Variants in SYNE2 observed in about 807,000 individuals in gnomAD.
SYNE2 encodes spectrin repeat containing nuclear envelope protein 2.
A neutral mutation model predicts 856.3 loss-of-function variants in SYNE2; 431 were observed. The observed-to-expected ratio is 0.50, with a 90% confidence interval of 0.47 to 0.55. The LOEUF (loss-of-function observed/expected upper bound fraction) is 0.55, where lower values mean the gene tolerates loss of function less well. Ranked by LOEUF, SYNE2 falls within the 20% of genes least tolerant of loss-of-function variation. The pLI is 0.00. For synonymous variants in SYNE2, 2,923 were observed against 2,872.3 expected (o/e 1.02, Z -0.56); for missense variants, 8,129 against 8,023.2 (o/e 1.01, Z -0.50).
intron 76 of SYNE2, among the ~76,000 whole-genome samples, chr14:64,131,667 G>A (rs76618501): frequency 0.031 from 4,702 of 151,972 alleles, 134 homozygotes; most frequent in African/African-American, 0.073. Flanking sequence ...TTGTAGCCTC[G>A]AGATCCTGGT....
intron 45 of SYNE2, among the ~76,000 whole-genome samples, chr14:64,037,801 C>T (rs1175412096): frequency 1.4e-5 from 2 of 141,152 alleles, no homozygotes; most frequent in East Asian, 2.2e-4. Flanking sequence ...CGGGCAGAGG[C>T]GCCCCTCACC....
At chr14:63,782,236 G>A (rs1887344233) in intron 1 of SYNE2, among the ~76,000 whole-genome samples, 1 of 152,008 alleles carries the variant, frequency 6.6e-6, no homozygotes, top group African/African-American at 2.4e-5. Context: ...CACTTTAGGA[G>A]GCCGAGGTGG....
chr14:63,787,166 A>G (rs778387548), intron 1 of SYNE2, among the ~76,000 whole-genome samples: 4 of 152,188 alleles, frequency 2.6e-5, no homozygotes, highest in Non-Finnish European at 5.9e-5. Flanking sequence ...AATCTCAAAT[A>G]TTTATCATTT....
chr14:63,961,118 A>T (rs763936156), intron 8 of SYNE2, among the ~76,000 whole-genome samples: 1 of 152,204 alleles, frequency 6.6e-6, no homozygotes, highest in Non-Finnish European at 1.5e-5. Context: ...GCCAAGACCA[A>T]CATGTCAGGA....
chr14:64,087,465 CTTA>C, intron 57 of SYNE2: 2 of 729,918 alleles, frequency 2.7e-6, no homozygotes, highest in Non-Finnish European at 5.1e-6. Flanking sequence ...ATTTATGTTT[CTTA>C]TTATGTTACA....
At chr14:64,007,657 G>C (rs771915072) in intron 31 of SYNE2, among the ~76,000 whole-genome samples, 2 of 152,074 alleles carry the variant, frequency 1.3e-5, no homozygotes. Flanking sequence ...TGAGAGGATT[G>C]CTTGAGCCTA....
chr14:63,815,600 C>G (rs1180317459), intron 1 of SYNE2, among the ~76,000 whole-genome samples: 2 of 152,094 alleles, frequency 1.3e-5, no homozygotes, highest in Admixed American at 6.6e-5. Context: ...AGGATCAATA[C>G]TTTGCATCCT....
At chr14:64,071,886 C>T (rs778536081) in intron 52 of SYNE2, among the ~76,000 whole-genome samples, 2 of 152,088 alleles carry the variant, frequency 1.3e-5, no homozygotes, top group African/African-American at 4.8e-5. Context: ...GGCATGGTGG[C>T]GCACGCCTAT....
chr14:63,838,960 A>G (rs999624447), intron 1 of SYNE2, among the ~76,000 whole-genome samples: 1 of 152,132 alleles, frequency 6.6e-6, no homozygotes, highest in Non-Finnish European at 1.5e-5. Flanking sequence ...ACTTCCACTT[A>G]TGGTTCCAGT....
chr14:64,170,362 T>C lies in SYNE2; in HGVS notation c.17135T>C (p.Leu5712Ser). ...WQDFTTSVENLFRFLTDTSHL... is the reference protein window; with the variant it reads ...WQDFTTSVENSFRFLTDTSHL... ...GATTTCACTACTTCTGTGGAGAACT[T>C]GTTTCGCTTCCTCACTGACACCAGC... The change falls in exon 94 of 116, where the codon TTG becomes TCG. Residue 5712 changes from leucine to serine, a missense_variant. Leu to Ser is a moderately radical substitution (Grantham distance 145). Around this residue, in one of 3 missense-constraint regions of SYNE2, gnomAD observed 5,410 missense variants for 5,284.8 expected, o/e 1.02. Coordinates refer to ENST00000555002, the MANE Select transcript of SYNE2 (RefSeq NM_182914.3). The C allele has an allele frequency of 6.2e-7, 1 of 1,614,142 alleles. No individual in the cohort carries two copies. Among genetic ancestry groups the C allele is most frequent in the Non-Finnish European group, 8.5e-7 (1 of 1,180,020 alleles).
At chr14:64,130,384 G>A (rs1203894635) in intron 76 of SYNE2, 136 bp downstream of exon 76, 10 of 846,814 alleles carry the variant, frequency 1.2e-5, no homozygotes, top group Non-Finnish European at 1.7e-5. Flanking sequence ...ACATCTATTA[G>A]AATGCTTAAT....
chr14:64,084,032 C>G (rs537025117), intron 57 of SYNE2, among the ~76,000 whole-genome samples: 95 of 151,380 alleles, frequency 6.3e-4, no homozygotes, highest in Non-Finnish European at 1.3e-3. Flanking sequence ...TCAAGTGATT[C>G]TTCTGCCTCA....
At chr14:63,890,220 G>A (rs2095099885) in intron 1 of SYNE2, among the ~76,000 whole-genome samples, 1 of 151,888 alleles carries the variant, frequency 6.6e-6, no homozygotes, top group African/African-American at 2.4e-5. Flanking sequence ...GGGCCACCAT[G>A]CCTGGCTAAT....
At chr14:63,909,352 T>G (rs2095445498) in intron 2 of SYNE2, 125 bp downstream of exon 2, 2 of 595,562 alleles carry the variant, frequency 3.4e-6, no homozygotes, top group Admixed American at 2.9e-5. Flanking sequence ...TTTCCAACTG[T>G]AGAAACCTTT....
At chr14:64,218,533 T>A (rs767224903) in intron 109 of SYNE2, 21 bp downstream of exon 109, 24 of 1,609,918 alleles carry the variant, frequency 1.5e-5, no homozygotes, top group African/African-American at 2.7e-5. Context: ...TAACTGGCAG[T>A]CGTCCAGAGA....
At chr14:64,133,568 G>C (rs189463884) in intron 77 of SYNE2, among the ~76,000 whole-genome samples, 177 of 152,304 alleles carry the variant, frequency 1.2e-3, no homozygotes, top group African/African-American at 4.0e-3. Flanking sequence ...TGAAGTGTAA[G>C]CCTATACTCC....
intron 9 of SYNE2, 87 bp downstream of exon 9, chr14:63,961,712 C>T (rs1595894736): frequency 1.0e-6 from 1 of 958,774 alleles, no homozygotes; most frequent in East Asian, 2.6e-5. Flanking sequence ...AATTTGCATA[C>T]AGAACTTAAA....
chr14:63,862,743 TAGGTTTTGGGGCAGTTTTTATTAGA>T (rs1474136941), intron 1 of SYNE2, among the ~76,000 whole-genome samples: 7 of 151,858 alleles, frequency 4.6e-5, no homozygotes, highest in Non-Finnish European at 1.0e-4. Flanking sequence ...AGGTAGATAT[TAGGTTTTGGGGCAGTTTTTATTAGA>T]AGGTTTTGGG....
At chr14:64,039,125 A>T (rs2097127598) in intron 45 of SYNE2, among the ~76,000 whole-genome samples, 1 of 152,168 alleles carries the variant, frequency 6.6e-6, no homozygotes, top group African/African-American at 2.4e-5. Context: ...AATGGTGATG[A>T]TGTATGCTTA....
Sources: allele counts gnomAD v4.1 joint callset (sites outside exome capture counted in the v4.1 genomes callset), GRCh38; gene constraint gnomAD v4.1.1; regional missense constraint gnomAD v4.1.1; transcripts MANE v1.5; gene names NCBI Gene and HGNC (gene_info 2026-07-23, HGNC 2026-07-21).